The following PCNT variants were observed in gnomAD, a reference collection of about 807,000 sequenced individuals.
PCNT encodes kendrin.
In PCNT, 319 loss-of-function variants were observed where a neutral mutation model predicts 380.4. That is an observed-to-expected ratio of 0.84 (90% CI 0.77 to 0.92). The LOEUF is 0.92. Among genes scored for constraint, PCNT ranks in the 40% least tolerant of loss-of-function variants. The pLI is 0.00. For synonymous variants in PCNT, 1,845 were observed against 1,735.2 expected (o/e 1.06, Z -1.57); for missense variants, 4,400 against 4,255.3 (o/e 1.03, Z -0.95).
rs769996362 is a variant in PCNT at position 46,366,722 on chromosome 21, G to T, written c.2748G>T (p.Thr916=). Residue 916 remains threonine, a synonymous_variant, in exon 15 of 47, where the codon ACG becomes ACT. Coordinates refer to ENST00000359568, the MANE Select transcript of PCNT (RefSeq NM_006031.6). ...ERHQQQLLSV[T]AELEARHQAA... ...ACCAGCAGCAGCTCCTGTCAGTGAC[G>T]GCGGAGCTCGAGGCCAGACACCAGG... 2 of 1,613,514 alleles carry T rather than the reference G, an allele frequency of 1.2e-6. No homozygotes were observed. Among genetic ancestry groups the T allele is most frequent in the Non-Finnish European group, 1.7e-6 (2 of 1,180,052 alleles).
chr21:46,383,845 C>G (rs1397078739), intron 16 of PCNT, among the ~76,000 whole-genome samples: 6 of 142,182 alleles, frequency 4.2e-5, no homozygotes, highest in African/African-American at 1.3e-4. Context: ...AGCGCATTCA[C>G]CATGTTGTAT....
At chr21:46,367,182 C>A (rs777551596) in intron 15 of PCNT, 43 bp downstream of exon 15, 1 of 1,541,272 alleles carries the variant, frequency 6.5e-7, no homozygotes, top group South Asian at 1.1e-5. Flanking sequence ...CAGGCCTCTC[C>A]TCGCTGCCTG....
intron 27 of PCNT, among the ~76,000 whole-genome samples, chr21:46,408,805 C>G (rs1023102972): frequency 1.3e-5 from 2 of 150,984 alleles, no homozygotes; most frequent in Non-Finnish European, 2.9e-5. Flanking sequence ...TCACTGCAAC[C>G]TCCACCTCCT....
intron 14 of PCNT, among the ~76,000 whole-genome samples, 159 bp from the exon 15 acceptor site, chr21:46,366,425 C>T (rs2084930644): frequency 6.6e-6 from 1 of 152,178 alleles, no homozygotes; most frequent in African/African-American, 2.4e-5. Flanking sequence ...CTTACTATTT[C>T]TGGTGGTCGA....
rs543888741 is a variant in PCNT, at chr21:46,386,069, G to A, written c.3464+86G>A. 51 of 1,538,564 alleles carry A rather than the reference G, an allele frequency of 3.3e-5. No individual in the cohort carries two copies. In the African/African-American group the frequency reaches 5.7e-4, roughly 17 times the overall value. Reference sequence around the variant, plus strand: ...GATGCCATTGGTCCCCACGGCTCCTGGCCCCGTGGCTGCTGCCACCATGCA... The same window carrying A: ...GATGCCATTGGTCCCCACGGCTCCTAGCCCCGTGGCTGCTGCCACCATGCA... On this transcript the variant is annotated intron_variant, in intron 17 of 46. Coordinates refer to ENST00000359568, the MANE Select transcript of PCNT (RefSeq NM_006031.6).
chr21:46,431,071 A>G (rs2087741913), intron 37 of PCNT: 2 of 985,286 alleles, frequency 2.0e-6, no homozygotes, highest in African/African-American at 1.7e-5. Flanking sequence ...TGCCAGTTCC[A>G]TGGGTTATGG....
At chr21:46,417,730 G>A (rs1012804473) in intron 30 of PCNT, among the ~76,000 whole-genome samples, 1 of 151,780 alleles carries the variant, frequency 6.6e-6, no homozygotes, top group African/African-American at 2.4e-5. Context: ...GTGAGACCCT[G>A]TCTCTACAAA....
chr21:46,390,422 G>A (rs1165248954), intron 19 of PCNT, among the ~76,000 whole-genome samples: 1 of 152,204 alleles, frequency 6.6e-6, no homozygotes, highest in Non-Finnish European at 1.5e-5. Context: ...TGCCAGGGGA[G>A]TGTCTGGAGG....
chr21:46,357,995 C>A (rs1352003885), intron 13 of PCNT, among the ~76,000 whole-genome samples: 2 of 152,248 alleles, frequency 1.3e-5, no homozygotes, highest in East Asian at 3.9e-4. Context: ...TCCACATGGC[C>A]CGATGGGCTT....
rs149214680 is a variant in PCNT at position 46,401,705 on chromosome 21, T to G, written c.4946T>G (p.Leu1649Arg). 2 of 1,613,912 alleles carry G rather than the reference T, an allele frequency of 1.2e-6. No individual in the cohort carries two copies. The highest frequency in any genetic ancestry group is 1.1e-5 in the South Asian group (1 of 91,058). The stretch of plus-strand genomic sequence containing the variant: ...TTAGAGGTGACACAGAGAGCACTCC[T>G]GCGGCGCGAGAGCGAGGTGAGTGCA... ...IQLEVTQRAL[L>R]RRESEVLDLK... The change falls in exon 26 of 47, where the codon CTG becomes CGG. Residue 1649 changes from leucine to arginine, a missense_variant. Transcript: ENST00000359568.
intron 33 of PCNT, 101 bp downstream of exon 33, chr21:46,426,072 T>TCTTTTC: frequency 1.3e-6 from 1 of 788,036 alleles, no homozygotes; most frequent in Non-Finnish European, 1.7e-6. Context: ...TTTCTTTCTT[T>TCTTTTC]TTTTTTTTTT....
rs150523547 is a variant in PCNT, at chr21:46,346,743, G to T, written c.721G>T (p.Ala241Ser). The part of the protein sequence containing the change: ...EDEAGLHQSQ[A>S]VHGLELEALR... ...ATCAGAGGCCTTTTCTCCGCCGCAG[G>T]CCGTGCATGGCCTTGAGCTGGAGGC... Residue 241 changes from alanine (A) to serine (S), a missense_variant and splice_region_variant, in exon 5 of 47, where the codon GCC (alanine) becomes TCC (serine). Coordinates refer to ENST00000359568, the MANE Select transcript of PCNT (RefSeq NM_006031.6). 5.0e-6 allele frequency: 8 copies of T among 1,595,800 alleles called. No individual in the cohort carries two copies. Among genetic ancestry groups the T allele is most frequent in the Non-Finnish European group, 6.8e-6 (8 of 1,172,464 alleles).
chr21:46,345,725 G>A (rs921182256), intron 3 of PCNT, among the ~76,000 whole-genome samples: 3 of 152,180 alleles, frequency 2.0e-5, no homozygotes, highest in Admixed American at 1.3e-4. Flanking sequence ...CCCGGTGCTC[G>A]CGGCAGCCAC....
chr21:46,411,679 C>T lies in PCNT; in HGVS notation c.5606C>T (p.Thr1869Met), dbSNP rs775982969. ...GCGGCCCTGAAAGCAAAGGAAGCGACGATTGCCGAGAGAAATTTAGAAATC... is the reference window on the plus strand; with the variant it reads ...GCGGCCCTGAAAGCAAAGGAAGCGATGATTGCCGAGAGAAATTTAGAAATC... ...FEAALKAKEA[T>M]IAERNLEIDA... The change falls in exon 28 of 47, where the codon ACG becomes ATG. Residue 1869 changes from threonine (T) to methionine (M), a missense_variant. Transcript: ENST00000359568. 14 of 1,612,884 alleles carry T rather than the reference C, an allele frequency of 8.7e-6. No individual in the cohort carries two copies. Among genetic ancestry groups the T allele is most frequent in the East Asian group, 2.2e-5 (1 of 44,892 alleles).
At chr21:46,344,111 C>G (rs2083991899) in intron 3 of PCNT, among the ~76,000 whole-genome samples, 1 of 151,052 alleles carries the variant, frequency 6.6e-6, no homozygotes, top group Non-Finnish European at 1.5e-5. Context: ...GTCACCCAGG[C>G]TGGAGTGCAG....
chr21:46,369,695 A>G (rs1180221838), intron 15 of PCNT, among the ~76,000 whole-genome samples: 1 of 152,250 alleles, frequency 6.6e-6, no homozygotes, highest in African/African-American at 2.4e-5. Context: ...AGTCAGAGGA[A>G]GCATGTGGAG....
In PCNT at chr21:46,343,782, G is replaced by C. The variant is rs569966579; in HGVS notation, c.640-2346G>C. Among the ~76,000 whole-genome samples the C allele has an allele frequency of 7.2e-5, 11 of 152,240 alleles. No homozygotes were observed. In the East Asian group the frequency reaches 1.9e-3, roughly 27 times the overall value. On this transcript the variant is annotated intron_variant, in intron 3 of 46. Transcript: ENST00000359568. ...TTTTGTTGGCAATTTTTAAATTACTGTTTCAGTCTTGCTGCTTGTTACTGG... is the reference window on the plus strand; with the variant it reads ...TTTTGTTGGCAATTTTTAAATTACTCTTTCAGTCTTGCTGCTTGTTACTGG...
rs113947992 is a variant in PCNT at position 46,434,861 on chromosome 21, T to C, written c.8752-1043T>C. Among the ~76,000 whole-genome samples the C allele has an allele frequency of 1.4e-3, 210 of 152,308 alleles. 2 individuals are homozygous for C. Among genetic ancestry groups the C allele is most frequent in the African/African-American group, 4.7e-3 (197 of 41,584 alleles). On this transcript the variant is annotated intron_variant, in intron 38 of 46. Transcript: ENST00000359568. ...GCGTCTGGGCGTGTGCGTGTACATA[T>C]GTGGATGAGTGGGACCAGGGCACAG... is the stretch of plus-strand genomic sequence containing the variant.
intron 38 of PCNT, among the ~76,000 whole-genome samples, chr21:46,433,622 C>A (rs534040557): frequency 1.2e-4 from 18 of 152,218 alleles, no homozygotes; most frequent in Non-Finnish European, 1.9e-4. Context: ...CCTGAAACCA[C>A]GCCTGAAGTT....
Sources: allele counts gnomAD v4.1 joint callset (sites outside exome capture counted in the v4.1 genomes callset), GRCh38; gene constraint gnomAD v4.1.1; transcripts MANE v1.5; gene names NCBI Gene and HGNC (gene_info 2026-07-23, HGNC 2026-07-21).